The following POU2AF2 variants were observed in gnomAD, a reference collection of about 807,000 sequenced individuals.
POU2AF2 encodes POU class 2 homeobox associating factor 2, also known as POU domain class 2-associating factor 2.
the POU2AF2 span, chr11:111,284,257 G>T: frequency 6.2e-7 from 1 of 1,614,190 alleles, no homozygotes; most frequent in Non-Finnish European, 8.5e-7. Flanking sequence ...TCCCCCAGGA[G>T]CCCTACGGAG....
chr11:111,285,812 G>A, the POU2AF2 span: 1 of 1,608,272 alleles, frequency 6.2e-7, no homozygotes, highest in African/African-American at 1.3e-5. Context: ...GTCATCCCTG[G>A]CTGGGGCTCA....
chr11:111,272,790 T>A, the POU2AF2 span, among the ~76,000 whole-genome samples: 1 of 152,176 alleles, frequency 6.6e-6, no homozygotes, highest in Non-Finnish European at 1.5e-5. Flanking sequence ...ATAAAATGAA[T>A]GAAATGAAAC....
At chr11:111,272,449 T>C in the POU2AF2 span, among the ~76,000 whole-genome samples, 1 of 152,236 alleles carries the variant, frequency 6.6e-6, no homozygotes, top group African/African-American at 2.4e-5. Flanking sequence ...TTAATGGTGA[T>C]GATCTAATGA....
At chr11:111,269,079 G>T in the POU2AF2 span, among the ~76,000 whole-genome samples, 8 of 152,082 alleles carry the variant, frequency 5.3e-5, no homozygotes, top group Non-Finnish European at 8.8e-5. Context: ...TTGATAAAGG[G>T]AATCAGTATT....
At chr11:111,276,453 A>AAAAAAAATATATATATATAT in the POU2AF2 span, among the ~76,000 whole-genome samples, 5 of 37,654 alleles carry the variant, frequency 1.3e-4, no homozygotes, top group South Asian at 1.1e-3. Context: ...AAAAAAAAAA[A>AAAAAAAATATATATATATAT]ATATATATAT....
At chr11:111,257,015 G>A in the POU2AF2 span, among the ~76,000 whole-genome samples, 1 of 152,190 alleles carries the variant, frequency 6.6e-6, no homozygotes. Context: ...AGTTGCACCA[G>A]ATCTCCAGAA....
the POU2AF2 span, among the ~76,000 whole-genome samples, chr11:111,258,635 T>C: frequency 2.0e-5 from 3 of 152,238 alleles, no homozygotes. Flanking sequence ...TTACTTTTTA[T>C]AAAATGAGAC....
chr11:111,247,908 T>A, the POU2AF2 span, among the ~76,000 whole-genome samples: 10 of 133,778 alleles, frequency 7.5e-5, no homozygotes, highest in Non-Finnish European at 1.4e-4. Context: ...AGACGGAGTC[T>A]CGCTTTGTCG....
chr11:111,250,099 G>T, the POU2AF2 span, among the ~76,000 whole-genome samples: 1 of 152,028 alleles, frequency 6.6e-6, no homozygotes, highest in Middle Eastern at 3.4e-3. Flanking sequence ...ATTAAAAACT[G>T]CATTCTTCTT....
chr11:111,248,147 T>A, the POU2AF2 span, among the ~76,000 whole-genome samples: 2 of 152,080 alleles, frequency 1.3e-5, no homozygotes, highest in Non-Finnish European at 2.9e-5. Context: ...TTTTCTTGTA[T>A]TCTCCTGGAG....
chr11:111,263,165 TTC>T, the POU2AF2 span, among the ~76,000 whole-genome samples: 1 of 152,248 alleles, frequency 6.6e-6, no homozygotes, highest in Non-Finnish European at 1.5e-5. Flanking sequence ...ACTTTGTAGA[TTC>T]TGAGCTACAT....
the POU2AF2 span, among the ~76,000 whole-genome samples, chr11:111,265,648 T>C: frequency 6.6e-6 from 1 of 152,178 alleles, no homozygotes; most frequent in Non-Finnish European, 1.5e-5. Context: ...TTTTATGGTT[T>C]TTACAATATC....
the POU2AF2 span, among the ~76,000 whole-genome samples, chr11:111,272,631 C>A: frequency 1.3e-5 from 2 of 152,192 alleles, no homozygotes; most frequent in African/African-American, 4.8e-5. Flanking sequence ...ACCCTTATTT[C>A]TATTATTGCA....
the POU2AF2 span, among the ~76,000 whole-genome samples, chr11:111,264,491 C>CAAAAGAAAGAAAGAAAGAAA: frequency 7.0e-5 from 6 of 86,062 alleles, no homozygotes; most frequent in African/African-American, 2.8e-4. Context: ...GCAAGACTCA[C>CAAAAGAAAGAAAGAAAGAAA]GAAAGAAAGA....
the POU2AF2 span, chr11:111,284,037 G>A: frequency 7.5e-6 from 12 of 1,593,354 alleles, no homozygotes; most frequent in Admixed American, 1.7e-5. Context: ...ACCGCCCTGG[G>A]AGGAATTTTC....
chr11:111,276,198 T>A, the POU2AF2 span, among the ~76,000 whole-genome samples: 1 of 151,896 alleles, frequency 6.6e-6, no homozygotes, highest in African/African-American at 2.4e-5. Context: ...GAAATCTGCC[T>A]CTAGATAAAA....
At chr11:111,263,119 T>C in the POU2AF2 span, among the ~76,000 whole-genome samples, 1 of 152,252 alleles carries the variant, frequency 6.6e-6, no homozygotes, top group Non-Finnish European at 1.5e-5. Context: ...ATGTTGTATG[T>C]TGGATGTCTA....
the POU2AF2 span, among the ~76,000 whole-genome samples, chr11:111,247,968 CCGCCTCCCGAATTCA>C: frequency 6.8e-6 from 1 of 146,198 alleles, no homozygotes; most frequent in Non-Finnish European, 1.5e-5. Context: ...ACTGCAAGCT[CCGCCTCCCGAATTCA>C]CGCCATTCTC....
the POU2AF2 span, among the ~76,000 whole-genome samples, chr11:111,267,965 T>A: frequency 6.6e-6 from 1 of 152,212 alleles, no homozygotes; most frequent in Non-Finnish European, 1.5e-5. Flanking sequence ...AACCCTTTAC[T>A]AATGTAGAAA....
Sources: gnomAD v4.1 joint callset for allele counts (sites outside exome capture counted in the v4.1 genomes callset) on GRCh38, gnomAD v4.1.1 for gene constraint, MANE v1.5 for transcripts, NCBI Gene and HGNC (gene_info 2026-07-23, HGNC 2026-07-21) for gene names.